Variants in CUL9 observed in about 807,000 individuals in gnomAD.
CUL9 encodes cullin-9.
In CUL9, 79 loss-of-function variants were observed where a neutral mutation model predicts 272.6. The observed-to-expected ratio is 0.29, with a 90% CI of 0.24 to 0.35. The LOEUF (loss-of-function observed/expected upper bound fraction) is 0.35, where lower values mean the gene tolerates loss of function less well. Among genes scored for constraint, CUL9 ranks in the 10% least tolerant of loss-of-function variants. The pLI, the probability that CUL9 is intolerant of heterozygous loss-of-function variation, is 1.00. For synonymous variants in CUL9, 1,186 were observed against 1,286.5 expected (o/e 0.92, Z 1.67); for missense variants, 2,532 against 3,255.6 (o/e 0.78, Z 5.41).
chr6:43,185,664 T>C, intron 3 of CUL9, 54 bp downstream of exon 3: 1 of 1,565,082 alleles, frequency 6.4e-7, no homozygotes, highest in Non-Finnish European at 8.7e-7. Context: ...ACATTATTTA[T>C]GAAAACGTGG....
At chr6:43,191,193 T>C (rs1426773593) in intron 8 of CUL9, among the ~76,000 whole-genome samples, 2 of 151,646 alleles carry the variant, frequency 1.3e-5, no homozygotes, top group South Asian at 2.1e-4. Context: ...GCAAATGTTG[T>C]GAAATAGAGC....
In CUL9 at chr6:43,223,361, G is replaced by A. The variant is rs761877631; in HGVS notation, c.7248G>A (p.Gln2416=). 17 of 1,601,446 alleles carry A rather than the reference G, an allele frequency of 1.1e-5. No individual in the cohort carries two copies. The highest frequency in any genetic ancestry group is 1.3e-5 in the Non-Finnish European group (15 of 1,173,852). ...GCATGGAGCTGCTCCGGCGGATCCA[G>A]GAGAGGCTGCTTGCCATCCTGCAGC... The part of the protein sequence containing the change: ...STGMELLRRI[Q]ERLLAILQHS... Residue 2416 remains glutamine, a synonymous_variant, in exon 39 of 41, where the codon CAG becomes CAA. Coordinates refer to ENST00000252050, the MANE Select transcript of CUL9 (RefSeq NM_015089.4). This position sits in a 1 kb window ranked among gnomAD's most constrained non-coding sequence, Gnocchi z 4.1.
At chr6:43,191,300 T>TGCGTG (rs1562020004) in intron 8 of CUL9, among the ~76,000 whole-genome samples, 19 of 122,984 alleles carry the variant, frequency 1.5e-4, no homozygotes, top group African/African-American at 7.1e-4. Context: ...GTGCGTGTTG[T>TGCGTG]TTTTTTTTTT....
Position 43,192,973 on chromosome 6 carries a change from GGA to G in CUL9, c.2181-26_2181-25del, listed in dbSNP as rs1562022187. On this transcript the variant is annotated intron_variant, in intron 8 of 40. Coordinates refer to ENST00000252050, the MANE Select transcript of CUL9 (RefSeq NM_015089.4). The stretch of plus-strand genomic sequence containing the variant: ...GGTCAGGCAAGACTCCTTGGGATGG[GGA>G]GCCCCAATATCTCTTCTCTTGTCAG... The G allele has an allele frequency of 1.9e-6, 3 of 1,608,220 alleles. No homozygotes were observed. The South Asian group carries it at 3.3e-5, about 18-fold the overall frequency.
Position 43,206,174 on chromosome 6 carries a change from G to A in CUL9, c.4961G>A (p.Arg1654Gln), listed in dbSNP as rs754293862. ...QRQFHLFQLQ[R>Q]LDKLFLEQED... ...CAGTTCCACCTCTTCCAGCTCCAGC[G>A]GCTCGACAAGTTGTTCTTGGAGCAG... is the stretch of plus-strand genomic sequence containing the variant. Residue 1654 changes from arginine (R) to glutamine (Q), a missense_variant, in exon 25 of 41, where the codon CGG becomes CAG. Arg to Gln is a conservative substitution (Grantham distance 43, BLOSUM62 1). Transcript: ENST00000252050. The surrounding 1 kb of genome is among the most constrained non-coding windows in gnomAD (Gnocchi z 4.8). 13 of 1,613,552 alleles carry A rather than the reference G, an allele frequency of 8.1e-6. No individual in the cohort carries two copies. In the Admixed American group the frequency reaches 1.2e-4, roughly 15 times the overall value.
In CUL9 at chr6:43,203,034, G is replaced by A; in HGVS notation, c.3754-75G>A. 6.6e-7 allele frequency: 1 copy of A among 1,515,730 alleles called. No individual in the cohort carries two copies. The highest frequency in any genetic ancestry group is 2.3e-5 in the East Asian group (1 of 44,290). 93.9% of individuals were successfully genotyped at this position (1,515,730 alleles called of 1,614,324 possible). A position where few individuals can be genotyped will look rare whatever the true frequency, so the allele number is the denominator to read the frequency against. The stretch of plus-strand genomic sequence containing the variant: ...GAAGGGCACACACCATGACCGACTT[G>A]GTTACTGTCAACAATTTTTCCAACC... On this transcript the variant is annotated intron_variant, in intron 17 of 40. Transcript: ENST00000252050. The surrounding 1 kb of genome is among the most constrained non-coding windows in gnomAD (Gnocchi z 5.0).
rs1442988895 is a variant in CUL9 at position 43,218,508 on chromosome 6, G to A, written c.6283-1951G>A. Among the ~76,000 whole-genome samples, 4 of 152,208 alleles carry A rather than the reference G, an allele frequency of 2.6e-5. No individual in the cohort carries two copies. Among genetic ancestry groups the A allele is most frequent in the East Asian group, 3.9e-4 (2 of 5,192 alleles). Reference sequence around the variant, plus strand: ...TGGAATTACAGGCGTGAGCCACTGCGCCCGGCCCTACATTTTTTAAAAGAT... The same window carrying A: ...TGGAATTACAGGCGTGAGCCACTGCACCCGGCCCTACATTTTTTAAAAGAT... On this transcript the variant is annotated intron_variant, in intron 31 of 40. Transcript: ENST00000252050. This position sits in a 1 kb window ranked among gnomAD's most constrained non-coding sequence, Gnocchi z 4.4.
In CUL9 at chr6:43,203,312, G is replaced by A; in HGVS notation, c.3850-105G>A. 1.3e-6 allele frequency: 2 copies of A among 1,592,004 alleles called. No individual in the cohort carries two copies. The highest frequency in any genetic ancestry group is 8.6e-7 in the Non-Finnish European group (1 of 1,161,360). The stretch of plus-strand genomic sequence containing the variant: ...GACCTGTTGAGTCCCAGAGATGTGG[G>A]GATGTCCTGAGCAGTTCTAGGGAGC... On this transcript the variant is annotated intron_variant, in intron 18 of 40. Coordinates refer to ENST00000252050, the MANE Select transcript of CUL9 (RefSeq NM_015089.4). This position sits in a 1 kb window ranked among gnomAD's most constrained non-coding sequence, Gnocchi z 5.0.
At position 43,223,492 on chromosome 6, in the gene CUL9, A is replaced by G; in HGVS notation, c.7284+95A>G. ...GCCCCTGCCCTGGGGCGAGTCCAGA[A>G]GGAAAGGCAGCAAAGCGGGTGAATG... On this transcript the variant is annotated intron_variant, in intron 39 of 40. Transcript: ENST00000252050. This position sits in a 1 kb window ranked among gnomAD's most constrained non-coding sequence, Gnocchi z 4.1. 6.9e-7 allele frequency: 1 copy of G among 1,458,616 alleles called. No homozygotes were observed. The highest frequency in any genetic ancestry group is 9.1e-7 in the Non-Finnish European group (1 of 1,094,566). The allele number at this position is 1,458,616 out of a possible 1,614,324, so 90.4% of individuals were successfully genotyped here.
Position 43,224,531 on chromosome 6 carries a change from T to G in CUL9, c.*86T>G, listed in dbSNP as rs6458328. ...GCTGCCCCTGTCATAGGGAGGGGGA[T>G]TCCCAGCGTCTGTAGTGCTTCCTGT... On this transcript the variant is annotated 3_prime_UTR_variant, in exon 41 of 41. Coordinates refer to ENST00000252050, the MANE Select transcript of CUL9 (RefSeq NM_015089.4). The surrounding 1 kb of genome is among the most constrained non-coding windows in gnomAD (Gnocchi z 4.2). 38,826 of 1,247,692 alleles carry G rather than the reference T, an allele frequency of 0.031. 2,037 individuals carry two copies. The highest frequency in any genetic ancestry group is 0.22 in the African/African-American group (14,876 of 66,132). 77.3% of individuals were successfully genotyped at this position (1,247,692 alleles called of 1,614,324 possible).
At chr6:43,198,542 G>T in intron 11 of CUL9, 67 bp from the exon 12 acceptor site, 1 of 1,581,496 alleles carries the variant, frequency 6.3e-7, no homozygotes, top group Non-Finnish European at 8.6e-7. Context: ...GACCTTCCCA[G>T]TTCTCAGTTT....
intron 1 of CUL9, among the ~76,000 whole-genome samples, chr6:43,183,737 C>CCT (rs915340192): frequency 6.9e-6 from 1 of 144,922 alleles, no homozygotes; most frequent in Non-Finnish European, 1.5e-5. Flanking sequence ...TTCCTTCCTT[C>CCT]CTCTCTCTCT....
intron 26 of CUL9, among the ~76,000 whole-genome samples, chr6:43,211,803 TA>T (rs960809092): frequency 1.1e-4 from 16 of 151,216 alleles, no homozygotes; most frequent in African/African-American, 2.4e-4. Flanking sequence ...ACTCTTTGTT[TA>T]AAAAAAAAGG....
Position 43,221,935 on chromosome 6 carries a change from C to T in CUL9, c.6846+157C>T. The stretch of plus-strand genomic sequence containing the variant: ...GGGAAGACAGAGCCACCTGGGCCTG[C>T]AGATGCTGGAAAGTCTGTTCACAGG... On this transcript the variant is annotated intron_variant, in intron 35 of 40. Coordinates refer to ENST00000252050, the MANE Select transcript of CUL9 (RefSeq NM_015089.4). The surrounding 1 kb of genome is among the most constrained non-coding windows in gnomAD (Gnocchi z 4.2). 4.7e-6 allele frequency: 3 copies of T among 640,450 alleles called. No individual in the cohort carries two copies. Among genetic ancestry groups the T allele is most frequent in the South Asian group, 2.0e-5 (1 of 51,146 alleles). The allele number at this position is 640,450 out of a possible 1,614,324, so 39.7% of individuals were successfully genotyped here.
In CUL9 at chr6:43,221,122, G is replaced by T; in HGVS notation, c.6589-36G>T. 6.2e-7 allele frequency: 1 copy of T among 1,604,056 alleles called. No homozygotes were observed. On this transcript the variant is annotated intron_variant, in intron 33 of 40. Coordinates refer to ENST00000252050, the MANE Select transcript of CUL9 (RefSeq NM_015089.4). The surrounding 1 kb of genome is among the most constrained non-coding windows in gnomAD (Gnocchi z 4.2). ...GCACACCAGCCATGCTGCCCTCACGGCTCAGCTGTGTCCCCACCATGCCCT... is the reference window on the plus strand; with the variant it reads ...GCACACCAGCCATGCTGCCCTCACGTCTCAGCTGTGTCCCCACCATGCCCT...
intron 26 of CUL9, among the ~76,000 whole-genome samples, chr6:43,210,040 C>T (rs555650311): frequency 3.3e-5 from 5 of 152,082 alleles, no homozygotes; most frequent in Admixed American, 6.5e-5. Context: ...TGCAATGGTG[C>T]GATCTCAGCT....
chr6:43,221,206 G>GTCATA lies in CUL9; in HGVS notation c.6637_6638insTCATA (p.Gly2213ValfsTer9). On this transcript the variant is annotated frameshift_variant, in exon 34 of 41. Transcript: ENST00000252050. LOFTEE classifies it high-confidence loss of function. The surrounding 1 kb of genome is among the most constrained non-coding windows in gnomAD (Gnocchi z 4.2). ...CCATATGTCTCAGTGGGTCGACGAC[G>GTCATA]GTGGCTACTATGACGGCATGAGCGT... The GTCATA allele has an allele frequency of 6.2e-7, 1 of 1,611,616 alleles. No homozygotes were observed. The highest frequency in any genetic ancestry group is 8.5e-7 in the Non-Finnish European group (1 of 1,179,980).
intron 31 of CUL9, among the ~76,000 whole-genome samples, chr6:43,219,685 AGG>A (rs1776184358): frequency 6.6e-6 from 1 of 152,166 alleles, no homozygotes. Flanking sequence ...GCATGGCCAT[AGG>A]CAGTGTGAGA....
chr6:43,196,906 C>T lies in CUL9; in HGVS notation c.2803+44C>T, dbSNP rs553914142. The T allele has an allele frequency of 2.7e-6, 4 of 1,508,478 alleles. No individual in the cohort carries two copies. In the African/African-American group the frequency reaches 4.1e-5, roughly 16 times the overall value. The allele number at this position is 1,508,478 out of a possible 1,614,324, so 93.4% of individuals were successfully genotyped here. On this transcript the variant is annotated intron_variant, in intron 11 of 40. Coordinates refer to ENST00000252050, the MANE Select transcript of CUL9 (RefSeq NM_015089.4). ...GGTTTTGCAGAGGAATCACACAGTG[C>T]CAGCCAGGTTTACATATCAGCTCCT...
Sources: allele counts gnomAD v4.1 joint callset (sites outside exome capture counted in the v4.1 genomes callset), GRCh38; gene constraint gnomAD v4.1.1; non-coding constraint Gnocchi (gnomAD v3.1); transcripts MANE v1.5; gene names NCBI Gene and HGNC (gene_info 2026-07-23, HGNC 2026-07-21).